Variants in BMP2K observed in about 807,000 individuals in gnomAD.
BMP2K encodes BMP2 inducible kinase.
Under a neutral mutation model 116.0 loss-of-function variants are expected in BMP2K, and 74 were observed. The observed-to-expected ratio is 0.64, with a 90% CI of 0.53 to 0.77. The LOEUF (loss-of-function observed/expected upper bound fraction) is 0.77. BMP2K is among the 30% of genes least tolerant of loss of function. The pLI is 0.00. For missense variants in BMP2K, 1,365 were observed against 1,403.6 expected, an observed-to-expected ratio of 0.97 and a Z score of 0.44; for synonymous variants, 486 against 502.5, an observed-to-expected ratio of 0.97 and a Z score of 0.44.
At chr4:78,848,882 C>T (rs1412546557) in intron 6 of BMP2K, among the ~76,000 whole-genome samples, 1 of 148,558 alleles carries the variant, frequency 6.7e-6, no homozygotes, top group Admixed American at 6.6e-5. Context: ...TTCCCTGATG[C>T]CATTTTTATG....
At chr4:78,833,869 A>G (rs1157643813) in intron 3 of BMP2K, among the ~76,000 whole-genome samples, 182 bp downstream of exon 3, 3 of 152,216 alleles carry the variant, frequency 2.0e-5, no homozygotes, top group Non-Finnish European at 4.4e-5. Flanking sequence ...TAGTTACTGC[A>G]GTTATGATAT....
intron 4 of BMP2K, among the ~76,000 whole-genome samples, chr4:78,844,343 A>G (rs917062588): frequency 4.6e-5 from 7 of 151,780 alleles, no homozygotes; most frequent in Non-Finnish European, 1.0e-4. Context: ...GAAACTGACT[A>G]TAATAATTTA....
intron 1 of BMP2K, among the ~76,000 whole-genome samples, chr4:78,795,145 A>G (rs900054740): frequency 2.6e-5 from 4 of 152,226 alleles, no homozygotes; most frequent in Non-Finnish European, 5.9e-5. Flanking sequence ...TTTGTACTTC[A>G]GTTATATTTG....
chr4:78,860,392 T>G (rs1295384370), intron 8 of BMP2K, among the ~76,000 whole-genome samples: 2 of 151,934 alleles, frequency 1.3e-5, no homozygotes, highest in African/African-American at 4.8e-5. Flanking sequence ...AGTTTTGTCC[T>G]TATCAGTGAC....
chr4:78,842,089 A>G lies in BMP2K; in HGVS notation c.404-296A>G, dbSNP rs1238178932. Among the ~76,000 whole-genome samples the G allele has an allele frequency of 2.6e-5, 4 of 152,204 alleles. No individual in the cohort carries two copies. The East Asian group carries it at 7.7e-4, about 29-fold the overall frequency. On this transcript the variant is annotated intron_variant, in intron 3 of 15. Transcript: ENST00000502613. ...GCCCATAAATAGTATGGTGTTAAAT[A>G]GCTATTTCTTAAAACCAGTATTATA...
At chr4:78,866,840 G>A (rs2110053306) in intron 10 of BMP2K, among the ~76,000 whole-genome samples, 1 of 152,184 alleles carries the variant, frequency 6.6e-6, no homozygotes, top group East Asian at 1.9e-4. Context: ...TAGTGGAGAT[G>A]GGGTTTCACC....
chr4:78,795,868 A>G (rs1235069354), intron 1 of BMP2K, among the ~76,000 whole-genome samples: 3 of 151,956 alleles, frequency 2.0e-5, no homozygotes, highest in East Asian at 1.9e-4. Context: ...TTAGAATGGC[A>G]ATCATTAAAA....
chr4:78,844,414 A>G (rs1223516297), intron 4 of BMP2K, among the ~76,000 whole-genome samples: 2 of 151,724 alleles, frequency 1.3e-5, no homozygotes, highest in Non-Finnish European at 3.0e-5. Context: ...TCAGTGTAGT[A>G]TTTTAAATAA....
At position 78,877,828 on chromosome 4, in the gene BMP2K, G is replaced by A. The variant is rs919491832; in HGVS notation, c.1794-906G>A. On this transcript the variant is annotated intron_variant, in intron 13 of 15. Transcript: ENST00000502613. ...ACACATGAGTAAGCTGTTGTGCTAT[G>A]GTGTTACAATGGCTACGATATCACT... Among the ~76,000 whole-genome samples the A allele has an allele frequency of 2.6e-5, 4 of 152,108 alleles. No homozygotes were observed. The East Asian group carries it at 5.8e-4, about 22-fold the overall frequency.
rs182718246 is a variant in BMP2K at position 78,811,475 on chromosome 4, T to C, written c.179-14562T>C. Among the ~76,000 whole-genome samples, 16 of 152,370 alleles carry C rather than the reference T, an allele frequency of 1.1e-4. No homozygotes were observed. The East Asian group carries it at 1.3e-3, about 13-fold the overall frequency. ...TGTAAATGAAAACAAGTCTATCTTATTAGAATTTCACATGTATGCATATGC... is the reference window on the plus strand; with the variant it reads ...TGTAAATGAAAACAAGTCTATCTTACTAGAATTTCACATGTATGCATATGC... On this transcript the variant is annotated intron_variant, in intron 1 of 15. Transcript: ENST00000502613.
intron 3 of BMP2K, among the ~76,000 whole-genome samples, chr4:78,840,441 TA>T (rs1276373528): frequency 6.6e-6 from 1 of 152,148 alleles, no homozygotes; most frequent in Non-Finnish European, 1.5e-5. Flanking sequence ...TCTCAGGCGA[TA>T]GATGATTGGC....
chr4:78,878,706 C>A, intron 13 of BMP2K, 28 bp from the exon 14 acceptor site: 1 of 1,529,746 alleles, frequency 6.5e-7, no homozygotes, highest in Non-Finnish European at 8.8e-7. Context: ...TTTCCATCTT[C>A]TTTTTTCTTA....
intron 1 of BMP2K, among the ~76,000 whole-genome samples, chr4:78,823,535 TG>T (rs1222463296): frequency 2.0e-5 from 3 of 147,818 alleles, no homozygotes; most frequent in Middle Eastern, 7.1e-3. Context: ...GTTATATATA[TG>T]GTTATATATA....
At chr4:78,869,015 C>T (rs1299493466) in intron 10 of BMP2K, among the ~76,000 whole-genome samples, 1 of 152,174 alleles carries the variant, frequency 6.6e-6, no homozygotes, top group Non-Finnish European at 1.5e-5. Flanking sequence ...AGGCAGTGCC[C>T]CAGTAGAGAC....
At chr4:78,813,064 A>C (rs539094607) in intron 1 of BMP2K, among the ~76,000 whole-genome samples, 1 of 151,936 alleles carries the variant, frequency 6.6e-6, no homozygotes, top group Non-Finnish European at 1.5e-5. Flanking sequence ...AAAAAAAGAT[A>C]TGCAGAAACA....
At chr4:78,908,098 AT>A (rs1334767635) in intron 15 of BMP2K, among the ~76,000 whole-genome samples, 1 of 151,980 alleles carries the variant, frequency 6.6e-6, no homozygotes, top group Non-Finnish European at 1.5e-5. Flanking sequence ...TCTGCATTTG[AT>A]TTGCTTTTAA....
At chr4:78,811,812 C>G (rs1473008955) in intron 1 of BMP2K, among the ~76,000 whole-genome samples, 3 of 152,164 alleles carry the variant, frequency 2.0e-5, no homozygotes, top group African/African-American at 7.2e-5. Flanking sequence ...GTTGACCCAT[C>G]ATGTATTGGC....
chr4:78,865,727 G>C lies in BMP2K; in HGVS notation c.1231+7G>C, dbSNP rs1348610862. 1 of 1,613,570 alleles carries C rather than the reference G, an allele frequency of 6.2e-7. No homozygotes were observed. Among genetic ancestry groups the C allele is most frequent in the Admixed American group, 1.7e-5 (1 of 60,004 alleles). ...GGTAACCATAGACCAAAAGGTAATA[G>C]AGCCCCGCCAACCTCATCCTCTTAA... is the stretch of plus-strand genomic sequence containing the variant. On this transcript the variant is annotated splice_region_variant and intron_variant, in intron 10 of 15. Coordinates refer to ENST00000502613, the MANE Select transcript of BMP2K (RefSeq NM_198892.2).
At chr4:78,844,134 A>G (rs1052988648) in intron 4 of BMP2K, among the ~76,000 whole-genome samples, 1 of 151,864 alleles carries the variant, frequency 6.6e-6, no homozygotes, top group African/African-American at 2.4e-5. Context: ...GGTGCTTACC[A>G]TATTCCAGAC....
Sources: gnomAD v4.1 joint callset for allele counts (sites outside exome capture counted in the v4.1 genomes callset) on GRCh38, gnomAD v4.1.1 for gene constraint, MANE v1.5 for transcripts, NCBI Gene and HGNC (gene_info 2026-07-23, HGNC 2026-07-21) for gene names.